RPS6KA2: variants seen among roughly 807,000 people sequenced by gnomAD.
RPS6KA2 encodes ribosomal protein S6 kinase A2.
Under a neutral mutation model 91.8 loss-of-function variants are expected in RPS6KA2, and 42 were observed. That is an observed-to-expected ratio of 0.46 (90% CI 0.36 to 0.59). The LOEUF is 0.59. Among genes scored for constraint, RPS6KA2 ranks in the 20% least tolerant of loss-of-function variants. RPS6KA2 has a pLI of 0.00. For synonymous variants in RPS6KA2, 414 were observed against 393.6 expected (o/e 1.05, Z -0.61); for missense variants, 798 against 978.5 (o/e 0.82, Z 2.46).
At chr6:166,472,931 C>A (rs1272785291) in intron 10 of RPS6KA2, among the ~76,000 whole-genome samples, 2 of 152,094 alleles carry the variant, frequency 1.3e-5, no homozygotes, top group East Asian at 3.9e-4. Context: ...AGCAATTTGT[C>A]GTTAAGTTCC....
intron 3 of RPS6KA2, among the ~76,000 whole-genome samples, chr6:166,516,297 CT>C (rs1782639892): frequency 6.6e-6 from 1 of 152,200 alleles, no homozygotes; most frequent in Admixed American, 6.5e-5. Context: ...AATCTATTCA[CT>C]CAGCACAAAG....
intron 2 of RPS6KA2, among the ~76,000 whole-genome samples, chr6:166,822,408 G>A (rs1457537279): frequency 6.6e-6 from 1 of 152,218 alleles, no homozygotes; most frequent in Non-Finnish European, 1.5e-5. Context: ...AGACAACCAG[G>A]TGAGGACGCA....
chr6:166,607,633 G>A (rs1275302307), intron 1 of RPS6KA2, among the ~76,000 whole-genome samples: 5 of 152,096 alleles, frequency 3.3e-5, no homozygotes, highest in Non-Finnish European at 7.4e-5. Context: ...GGAAAAGGGG[G>A]ACAGGGTTCT....
At position 166,852,060 on chromosome 6, in the gene RPS6KA2, T is replaced by C. The variant is rs148321276; in HGVS notation, c.123+6140A>G. Reference sequence around the variant, plus strand: ...GCTCCACAGTGCGTCTAAACACAGATGGGCCTGCAGTGGCTTAGCCGCATC... The same window carrying C: ...GCTCCACAGTGCGTCTAAACACAGACGGGCCTGCAGTGGCTTAGCCGCATC... On this transcript the variant is annotated intron_variant, in intron 2 of 21. Transcript: ENST00000503859. This position sits in a 1 kb window ranked among gnomAD's most constrained non-coding sequence, Gnocchi z 4.1. 2.0e-3 allele frequency among the ~76,000 whole-genome samples: 298 copies of C among 152,350 alleles called. No homozygotes were observed. The highest frequency in any genetic ancestry group is 2.9e-3 in the Non-Finnish European group (197 of 68,032).
At chr6:166,571,066 A>G (rs1784670860) in intron 1 of RPS6KA2, among the ~76,000 whole-genome samples, 1 of 152,236 alleles carries the variant, frequency 6.6e-6, no homozygotes, top group African/African-American at 2.4e-5. Flanking sequence ...CCATGCTGTG[A>G]ATCTGCACTG....
At chr6:166,653,263 G>A (rs1276303017) in intron 2 of RPS6KA2, among the ~76,000 whole-genome samples, 1 of 152,236 alleles carries the variant, frequency 6.6e-6, no homozygotes, top group East Asian at 1.9e-4. Flanking sequence ...GTTTCACCAT[G>A]TTGGCCAGGC....
At chr6:166,728,189 C>A (rs1377275620) in intron 2 of RPS6KA2, among the ~76,000 whole-genome samples, 3 of 152,182 alleles carry the variant, frequency 2.0e-5, no homozygotes, top group Non-Finnish European at 4.4e-5. Context: ...GTCCTGGAAC[C>A]AGATGCAGAG....
At chr6:166,850,911 T>C (rs1472058209) in intron 2 of RPS6KA2, among the ~76,000 whole-genome samples, 2 of 151,828 alleles carry the variant, frequency 1.3e-5, no homozygotes, top group Admixed American at 1.3e-4. Flanking sequence ...GTTTGACCCA[T>C]GACCTGACTG....
chr6:166,535,243 A>T (rs1783442238), intron 2 of RPS6KA2, among the ~76,000 whole-genome samples: 1 of 152,066 alleles, frequency 6.6e-6, no homozygotes, highest in South Asian at 2.1e-4. Flanking sequence ...CTGCCTCATG[A>T]TGTCATGGAT....
chr6:166,524,371 C>T (rs1364330763), intron 3 of RPS6KA2, among the ~76,000 whole-genome samples: 2 of 152,186 alleles, frequency 1.3e-5, no homozygotes, highest in South Asian at 2.1e-4. Flanking sequence ...TTCGACACTG[C>T]GGAGAGCGCC....
chr6:166,426,099 T>G (rs2128443077), intron 16 of RPS6KA2, among the ~76,000 whole-genome samples: 1 of 152,194 alleles, frequency 6.6e-6, no homozygotes, highest in Admixed American at 6.5e-5. Context: ...TATAACAAAC[T>G]ATCTCTCAGA....
At chr6:166,643,390 T>C (rs1319904813) in intron 2 of RPS6KA2, among the ~76,000 whole-genome samples, 2 of 152,250 alleles carry the variant, frequency 1.3e-5, no homozygotes, top group Middle Eastern at 3.4e-3. Context: ...TGGAAATAGA[T>C]ACATCATGCA....
At chr6:166,520,315 A>G (rs1012517428) in intron 3 of RPS6KA2, among the ~76,000 whole-genome samples, 1 of 151,750 alleles carries the variant, frequency 6.6e-6, no homozygotes, top group Middle Eastern at 3.4e-3. Flanking sequence ...TGGAACTTAT[A>G]CCACCAGCTC....
At chr6:166,796,738 A>C (rs955146035) in intron 2 of RPS6KA2, among the ~76,000 whole-genome samples, 14 of 152,322 alleles carry the variant, frequency 9.2e-5, no homozygotes, top group Non-Finnish European at 1.9e-4. Flanking sequence ...AAAACTACGC[A>C]GTCCTGAGTG....
chr6:166,648,692 C>T lies in RPS6KA2; in HGVS notation c.124-109908G>A, dbSNP rs1260917448. Among the ~76,000 whole-genome samples, 5 of 152,110 alleles carry T rather than the reference C, an allele frequency of 3.3e-5. No individual in the cohort carries two copies. The highest frequency in any genetic ancestry group is 5.9e-5 in the Non-Finnish European group (4 of 68,024). Reference sequence around the variant, plus strand: ...AATCCCGTCTCCAACTCTCTGCAGCCGACTCCATCTGCGCATCACTCCGAT... The same window carrying T: ...AATCCCGTCTCCAACTCTCTGCAGCTGACTCCATCTGCGCATCACTCCGAT... On this transcript the variant is annotated intron_variant, in intron 2 of 21. Transcript: ENST00000503859. The surrounding 1 kb of genome is among the most constrained non-coding windows in gnomAD (Gnocchi z 4.8).
intron 3 of RPS6KA2, among the ~76,000 whole-genome samples, chr6:166,519,194 T>C (rs910013316): frequency 1.3e-5 from 2 of 152,056 alleles, no homozygotes. Flanking sequence ...AGTGAAGAGG[T>C]TTCTTCAGAA....
intron 1 of RPS6KA2, among the ~76,000 whole-genome samples, chr6:166,594,443 T>A (rs1785464038): frequency 6.6e-6 from 1 of 152,200 alleles, no homozygotes; most frequent in African/African-American, 2.4e-5. Flanking sequence ...ACAAAAAACT[T>A]GTCTGTCCAA....
At chr6:166,577,551 G>A (rs1201346062) in intron 1 of RPS6KA2, among the ~76,000 whole-genome samples, 2 of 152,204 alleles carry the variant, frequency 1.3e-5, no homozygotes, top group African/African-American at 4.8e-5. Flanking sequence ...CTGGATTTTG[G>A]ACTTGCATGG....
At chr6:166,725,645 G>A (rs1328722643) in intron 2 of RPS6KA2, among the ~76,000 whole-genome samples, 1 of 152,254 alleles carries the variant, frequency 6.6e-6, no homozygotes, top group Non-Finnish European at 1.5e-5. Flanking sequence ...AGCTGGGTGA[G>A]CCAGTGGGGG....
Sources: gnomAD v4.1 joint callset for allele counts (sites outside exome capture counted in the v4.1 genomes callset) on GRCh38, gnomAD v4.1.1 for gene constraint, Gnocchi (gnomAD v3.1) non-coding constraint, MANE v1.5 for transcripts, NCBI Gene and HGNC (gene_info 2026-07-23, HGNC 2026-07-21) for gene names.